NPAS3: variants seen among roughly 807,000 people sequenced by gnomAD.
The protein encoded by NPAS3 is neuronal PAS domain-containing protein 3.
NPAS3 carries 14 observed loss-of-function variants against 73.1 expected under a neutral mutation model. The observed-to-expected ratio is 0.19, with a 90% CI of 0.13 to 0.30. The LOEUF (loss-of-function observed/expected upper bound fraction) is 0.30, where lower values mean the gene tolerates loss of function less well. NPAS3 is among the 10% of genes least tolerant of loss of function. The pLI, the probability that NPAS3 is intolerant of heterozygous loss-of-function variation, is 1.00. For missense variants in NPAS3, 1,096 were observed against 1,250.0 expected (o/e 0.88, Z 1.86); for synonymous variants, 620 against 541.5 (o/e 1.14, Z -2.01).
intron 2 of NPAS3, among the ~76,000 whole-genome samples, chr14:33,212,026 C>T (rs1052497535): frequency 3.3e-5 from 5 of 152,194 alleles, no homozygotes; most frequent in Non-Finnish European, 7.3e-5. Flanking sequence ...AACCACAATA[C>T]TTTCGTTTAG....
At chr14:33,123,625 T>G (rs965973747) in intron 2 of NPAS3, among the ~76,000 whole-genome samples, 3 of 152,022 alleles carry the variant, frequency 2.0e-5, no homozygotes, top group African/African-American at 7.2e-5. Context: ...CAGAGTTATA[T>G]GTAATTTCCT....
At chr14:33,784,751 T>TATTTATTTTTA (rs199829124) in intron 9 of NPAS3, among the ~76,000 whole-genome samples, 11,276 of 114,376 alleles carry the variant, frequency 0.099, 618 homozygotes, top group East Asian at 0.15. Context: ...ATTTATTTTT[T>TATTTATTTTTA]TTTTTTTTTT....
chr14:33,201,704 C>T (rs535414254), intron 2 of NPAS3, among the ~76,000 whole-genome samples: 87 of 152,256 alleles, frequency 5.7e-4, no homozygotes, highest in African/African-American at 1.9e-3. Context: ...TTGTGTATTT[C>T]GACCAATTAT....
At chr14:33,029,986 G>A (rs1366146309) in intron 1 of NPAS3, among the ~76,000 whole-genome samples, 2 of 152,162 alleles carry the variant, frequency 1.3e-5, no homozygotes, top group Non-Finnish European at 1.5e-5. Context: ...TGATTCAAGT[G>A]GTCTTAACTG....
At chr14:33,612,607 T>C (rs1427086047) in intron 5 of NPAS3, 6 of 426,488 alleles carry the variant, frequency 1.4e-5, no homozygotes, top group Non-Finnish European at 2.8e-5. Context: ...ATGCCTTTTG[T>C]AGGTTCAGAG....
chr14:33,627,205 C>T (rs867301273), intron 5 of NPAS3, among the ~76,000 whole-genome samples: 4 of 152,054 alleles, frequency 2.6e-5, no homozygotes, highest in African/African-American at 9.7e-5. Flanking sequence ...GTTGAGGAAA[C>T]GGAACTAAGA....
At chr14:33,039,888 A>G (rs74432903) in intron 1 of NPAS3, among the ~76,000 whole-genome samples, 1 of 152,184 alleles carries the variant, frequency 6.6e-6, no homozygotes, top group Non-Finnish European at 1.5e-5. Context: ...GGAAAGAGAC[A>G]CAAGGTATAT....
chr14:33,558,242 C>T (rs1056697655), intron 4 of NPAS3, among the ~76,000 whole-genome samples: 8 of 151,890 alleles, frequency 5.3e-5, no homozygotes, highest in African/African-American at 1.9e-4. Context: ...GCAGTGAAAA[C>T]AGGTCAGGAA....
At chr14:33,701,504 G>A (rs1181696614) in intron 6 of NPAS3, among the ~76,000 whole-genome samples, 1 of 152,236 alleles carries the variant, frequency 6.6e-6, no homozygotes, top group Admixed American at 6.5e-5. Context: ...CCAAAAGACA[G>A]TGGGAATTAC....
chr14:33,011,566 C>A (rs1021737090), intron 1 of NPAS3, among the ~76,000 whole-genome samples: 1 of 150,550 alleles, frequency 6.6e-6, no homozygotes, highest in African/African-American at 2.4e-5. Context: ...TTTTTTTCCT[C>A]ATCAATGTTA....
At chr14:33,680,377 G>C (rs147476070) in intron 6 of NPAS3, among the ~76,000 whole-genome samples, 2,440 of 152,266 alleles carry the variant, frequency 0.016, 53 homozygotes, top group African/African-American at 0.055. Flanking sequence ...AAGGAGTAAA[G>C]ACCACCACCA....
intron 2 of NPAS3, among the ~76,000 whole-genome samples, chr14:33,147,730 A>AAAAAATATATATATATATATAT (rs372663411): frequency 1.5e-4 from 19 of 130,350 alleles, no homozygotes; most frequent in African/African-American, 5.8e-4. Context: ...TAGAATAAAA[A>AAAAAATATATATATATATATAT]ATATATATAT....
chr14:33,423,249 T>G (rs1374208056), intron 4 of NPAS3, among the ~76,000 whole-genome samples: 3 of 152,024 alleles, frequency 2.0e-5, no homozygotes, highest in Non-Finnish European at 4.4e-5. Context: ...TGGTCAAGGC[T>G]TTTTAAATTG....
chr14:33,781,538 C>T (rs571287366), intron 9 of NPAS3, among the ~76,000 whole-genome samples: 4 of 152,228 alleles, frequency 2.6e-5, no homozygotes, highest in Non-Finnish European at 5.9e-5. Context: ...TCAACTGTGC[C>T]TTCTTGGCAG....
chr14:33,503,587 A>C (rs934215159), intron 4 of NPAS3, among the ~76,000 whole-genome samples: 2 of 151,916 alleles, frequency 1.3e-5, no homozygotes, highest in Non-Finnish European at 2.9e-5. Context: ...TTCAAAAAAA[A>C]AATGGCACGG....
intron 3 of NPAS3, among the ~76,000 whole-genome samples, chr14:33,276,100 C>T (rs1361566170): frequency 6.6e-6 from 1 of 152,138 alleles, no homozygotes; most frequent in African/African-American, 2.4e-5. Flanking sequence ...CACCTACACA[C>T]TGTGTGCATG....
At chr14:33,429,424 G>A (rs552832759) in intron 4 of NPAS3, among the ~76,000 whole-genome samples, 14 of 152,150 alleles carry the variant, frequency 9.2e-5, no homozygotes, top group Admixed American at 3.3e-4. Flanking sequence ...CAAGCCCAAC[G>A]ACCTAGTTTT....
At chr14:33,711,986 C>A (rs1327626282) in intron 6 of NPAS3, among the ~76,000 whole-genome samples, 3 of 152,164 alleles carry the variant, frequency 2.0e-5, no homozygotes, top group Non-Finnish European at 2.9e-5. Context: ...ACTGTGCTGA[C>A]CCACTTCGAG....
intron 3 of NPAS3, among the ~76,000 whole-genome samples, chr14:33,296,458 C>A (rs975036382): frequency 5.9e-5 from 9 of 152,286 alleles, no homozygotes; most frequent in Non-Finnish European, 8.8e-5. Context: ...TACAGCATTT[C>A]TTTTCTGGTG....
Sources: allele counts gnomAD v4.1 joint callset (sites outside exome capture counted in the v4.1 genomes callset), GRCh38; gene constraint gnomAD v4.1.1; transcripts MANE v1.5; gene names NCBI Gene and HGNC (gene_info 2026-07-23, HGNC 2026-07-21).